Variants in CHST15 observed in about 807,000 individuals in gnomAD.
CHST15 encodes B cell RAG associated protein (GALNAC4S-6ST).
CHST15 carries 30 observed loss-of-function variants against 53.6 expected under a neutral mutation model. The ratio of observed to expected loss-of-function variants is 0.56; its 90% CI spans 0.42 to 0.76. The LOEUF (loss-of-function observed/expected upper bound fraction) is 0.76, where lower values mean the gene tolerates loss of function less well. Ranked by LOEUF, CHST15 falls within the 30% of genes least tolerant of loss-of-function variation. The pLI is 0.00. For synonymous variants in CHST15, 296 were observed against 289.8 expected (o/e 1.02, Z -0.22); for missense variants, 627 against 740.5 (o/e 0.85, Z 1.78).
chr10:124,023,787 C>G (rs1717964989), intron 5 of CHST15, among the ~76,000 whole-genome samples: 1 of 152,046 alleles, frequency 6.6e-6, no homozygotes, highest in African/African-American at 2.4e-5. Flanking sequence ...GAAGGCAATT[C>G]TGTGACTCTC....
In CHST15 at chr10:124,090,290, C is replaced by A. The variant is rs76869337; in HGVS notation, c.-513+3179G>T. On this transcript the variant is annotated intron_variant, in intron 1 of 7. Coordinates refer to ENST00000435907, the MANE Select transcript of CHST15 (RefSeq NM_001270764.2). ...AAGACCTGTTGACACTGTTTTCCCC[C>A]CAACTGGCTGGAGCTGAGTCTAGTC... Among the ~76,000 whole-genome samples the A allele has an allele frequency of 5.8e-3, 891 of 152,328 alleles. 8 individuals carry two copies. Among genetic ancestry groups the A allele is most frequent in the African/African-American group, 0.019 (798 of 41,558 alleles).
intron 1 of CHST15, among the ~76,000 whole-genome samples, chr10:124,066,831 G>A (rs1948764160): frequency 6.6e-6 from 1 of 152,226 alleles, no homozygotes; most frequent in Non-Finnish European, 1.5e-5. Context: ...GCGTCTCCCT[G>A]TTCCCCTGAG....
rs28561531 is a variant in CHST15, at chr10:124,075,613, C to T, written c.-513+17856G>A. 1.3e-3 allele frequency among the ~76,000 whole-genome samples: 200 copies of T among 152,108 alleles called. 7 individuals carry two copies. The East Asian group carries it at 0.03, about 22-fold the overall frequency. On this transcript the variant is annotated intron_variant, in intron 1 of 7. Coordinates refer to ENST00000435907, the MANE Select transcript of CHST15 (RefSeq NM_001270764.2). ...TCCTGATGTATGCTGAGCACAGCAT[C>T]CACCCCCTACACTCCCTTCCAATAA...
At chr10:124,047,227 C>T (rs1948035001) in intron 1 of CHST15, among the ~76,000 whole-genome samples, 1 of 152,202 alleles carries the variant, frequency 6.6e-6, no homozygotes, top group Admixed American at 6.5e-5. Context: ...CTGGCATCAG[C>T]AGTCTCTTTC....
intron 1 of CHST15, among the ~76,000 whole-genome samples, chr10:124,057,975 C>T (rs912323430): frequency 1.0e-3 from 158 of 152,262 alleles, no homozygotes; most frequent in Non-Finnish European, 1.6e-3. Context: ...CAGTTCTCCC[C>T]CCCAATGATT....
At chr10:124,042,663 G>A (rs1290945610) in intron 3 of CHST15, among the ~76,000 whole-genome samples, 2 of 152,146 alleles carry the variant, frequency 1.3e-5, no homozygotes, top group African/African-American at 4.8e-5. Flanking sequence ...CATGCTTCAA[G>A]GGCTGGAAGA....
chr10:124,053,832 T>C (rs1948288477), intron 1 of CHST15, among the ~76,000 whole-genome samples: 1 of 152,040 alleles, frequency 6.6e-6, no homozygotes, highest in African/African-American at 2.4e-5. Flanking sequence ...GTGGGAGGAT[T>C]GCTTGAGCCT....
chr10:124,039,375 C>T (rs535286996), intron 4 of CHST15, among the ~76,000 whole-genome samples: 13 of 152,264 alleles, frequency 8.5e-5, no homozygotes, highest in East Asian at 7.7e-4. Flanking sequence ...CCTTCCAAAG[C>T]GTCAGGAGAA....
At chr10:124,085,508 A>G (rs1949390833) in intron 1 of CHST15, among the ~76,000 whole-genome samples, 1 of 152,236 alleles carries the variant, frequency 6.6e-6, no homozygotes, top group Admixed American at 6.5e-5. Context: ...CTCAGTGTTC[A>G]CATAAAACCT....
rs776840518 is a variant in CHST15 at position 124,012,351 on chromosome 10, A to G, written c.1477T>C (p.Phe493Leu). ...CTCATACCTAGGTTCAGAAACTGGA[A>G]GACCTTGTGCATGGTGTACTTGACG... The part of the protein sequence containing the change: ...SNVKYTMHKV[F>L]QFLNLGPLSE... The change falls in exon 7 of 8, where the codon TTC becomes CTC. Residue 493 changes from phenylalanine (F) to leucine (L), a missense_variant. Physicochemically the swap from Phe to Leu is conservative, Grantham distance 22 (BLOSUM62 0). Transcript: ENST00000435907. The G allele has an allele frequency of 2.9e-5, 47 of 1,613,894 alleles. No homozygotes were observed. In the Admixed American group the frequency reaches 7.7e-4, roughly 26 times the overall value.
intron 5 of CHST15, among the ~76,000 whole-genome samples, chr10:124,032,913 TG>T (rs1947280453): frequency 1.4e-5 from 1 of 69,456 alleles, no homozygotes; most frequent in Admixed American, 1.4e-4. Context: ...CCCTCTACTT[TG>T]GATCAATTAG....
intron 5 of CHST15, among the ~76,000 whole-genome samples, chr10:124,023,011 G>T (rs964594792): frequency 1.4e-4 from 21 of 151,530 alleles, no homozygotes; most frequent in Non-Finnish European, 2.8e-4. Flanking sequence ...GTAGAGATGG[G>T]GTTTCACCAT....
chr10:124,023,352 G>A (rs1037577267), intron 5 of CHST15, among the ~76,000 whole-genome samples: 5 of 151,964 alleles, frequency 3.3e-5, no homozygotes, highest in Admixed American at 6.6e-5. Context: ...CAGGCGTGGT[G>A]GTGCGTGCCT....
chr10:124,092,948 G>T (rs1385397817), intron 1 of CHST15, among the ~76,000 whole-genome samples: 1 of 152,192 alleles, frequency 6.6e-6, no homozygotes, highest in Non-Finnish European at 1.5e-5. Flanking sequence ...TGCGTTCCAC[G>T]CGGCTTGCGC....
At chr10:124,053,240 C>T (rs1948263220) in intron 1 of CHST15, among the ~76,000 whole-genome samples, 1 of 152,198 alleles carries the variant, frequency 6.6e-6, no homozygotes. Context: ...CGTATTTCTC[C>T]ACCCTTCGGT....
At chr10:124,068,768 T>TA (rs529850697) in intron 1 of CHST15, among the ~76,000 whole-genome samples, 1 of 152,168 alleles carries the variant, frequency 6.6e-6, no homozygotes, top group Non-Finnish European at 1.5e-5. Flanking sequence ...GTTCTTGAAT[T>TA]AAAAAAAGAA....
chr10:124,079,060 A>G (rs968313335), intron 1 of CHST15, among the ~76,000 whole-genome samples: 1 of 152,160 alleles, frequency 6.6e-6, no homozygotes, highest in Non-Finnish European at 1.5e-5. Context: ...CTGGTGTAGG[A>G]CTCATGTGAC....
rs1000489006 is a variant in CHST15, at chr10:124,045,990, T to C, written c.223A>G (p.Lys75Glu). The change falls in exon 2 of 8, where the codon AAA becomes GAA. Residue 75 changes from lysine to glutamate, a missense_variant. This residue lies in a region of CHST15 where 187 missense variants were observed against 251.8 expected (regional missense o/e 0.74). Coordinates refer to ENST00000435907, the MANE Select transcript of CHST15 (RefSeq NM_001270764.2). ...NENWGGFLRFKKGKRCSLVFG... is the reference protein window; with the variant it reads ...NENWGGFLRFEKGKRCSLVFG... ...ACGAGGCTACATCGCTTCCCCTTTTTGAAGCGCAAAAACCCACCCCAGTTT... is the reference window on the plus strand; with the variant it reads ...ACGAGGCTACATCGCTTCCCCTTTTCGAAGCGCAAAAACCCACCCCAGTTT... The C allele has an allele frequency of 2.5e-6, 4 of 1,614,214 alleles. No homozygotes were observed. Among genetic ancestry groups the C allele is most frequent in the Non-Finnish European group, 3.4e-6 (4 of 1,180,036 alleles).
chr10:124,081,383 C>T (rs373569930), intron 1 of CHST15, among the ~76,000 whole-genome samples: 1 of 137,310 alleles, frequency 7.3e-6, no homozygotes, highest in East Asian at 2.0e-4. Context: ...CACGCATGCA[C>T]ACACACACGC....
Sources: allele counts gnomAD v4.1 joint callset (sites outside exome capture counted in the v4.1 genomes callset), GRCh38; gene constraint gnomAD v4.1.1; regional missense constraint gnomAD v4.1.1; transcripts MANE v1.5; gene names NCBI Gene and HGNC (gene_info 2026-07-23, HGNC 2026-07-21).